The following FHIT variants were observed in gnomAD, a reference collection of about 807,000 sequenced individuals.
FHIT encodes bis(5'-adenosyl)-triphosphatase.
In FHIT, 19 loss-of-function variants were observed where a neutral mutation model predicts 17.9. The ratio of observed to expected loss-of-function variants is 1.06; its 90% CI spans 0.74 to 1.56. The LOEUF (loss-of-function observed/expected upper bound fraction) is 1.56. FHIT is among the 40% of genes most tolerant of loss of function. FHIT has a pLI of 0.00. For missense variants in FHIT, 248 were observed against 189.2 expected (o/e 1.31, Z -1.82); for synonymous variants, 81 against 69.7 (o/e 1.16, Z -0.81).
chr3:61,057,643 C>T (rs76620167), intron 2 of FHIT, among the ~76,000 whole-genome samples: 136 of 152,292 alleles, frequency 8.9e-4, no homozygotes, highest in Non-Finnish European at 1.9e-3. Flanking sequence ...TCCTTCAGAA[C>T]ACCCAGGCCA....
chr3:60,101,124 C>G (rs1704173525), intron 5 of FHIT, among the ~76,000 whole-genome samples: 1 of 152,210 alleles, frequency 6.6e-6, no homozygotes, highest in African/African-American at 2.4e-5. Context: ...CCGGCCCCCG[C>G]TCCCTATTCT....
At chr3:60,988,269 T>C (rs1392470904) in intron 3 of FHIT, among the ~76,000 whole-genome samples, 2 of 152,342 alleles carry the variant, frequency 1.3e-5, no homozygotes. Context: ...TTTAGTTATA[T>C]GCCACATGAA....
chr3:60,029,501 C>G (rs1252334797), intron 5 of FHIT, among the ~76,000 whole-genome samples: 2 of 152,184 alleles, frequency 1.3e-5, no homozygotes, highest in African/African-American at 2.4e-5. Context: ...TATATGCAGT[C>G]TCTCTCCAGA....
intron 5 of FHIT, among the ~76,000 whole-genome samples, chr3:60,329,998 A>G (rs949982969): frequency 6.6e-6 from 1 of 152,242 alleles, no homozygotes; most frequent in Non-Finnish European, 1.5e-5. Flanking sequence ...TAATTGCCCC[A>G]TATGTTCAAA....
intron 5 of FHIT, among the ~76,000 whole-genome samples, chr3:60,090,128 C>T (rs143284127): frequency 1.8e-3 from 268 of 152,242 alleles, no homozygotes; most frequent in African/African-American, 6.2e-3. Flanking sequence ...TCATCTCTCC[C>T]ATCTGCCCCC....
chr3:60,016,683 G>A (rs984546567), intron 5 of FHIT, among the ~76,000 whole-genome samples: 2 of 152,158 alleles, frequency 1.3e-5, no homozygotes, highest in African/African-American at 4.8e-5. Context: ...GCACAGGGGA[G>A]GTCAGATCTA....
At chr3:60,112,084 C>G (rs773622858) in intron 5 of FHIT, among the ~76,000 whole-genome samples, 68 of 152,168 alleles carry the variant, frequency 4.5e-4, no homozygotes, top group Non-Finnish European at 8.7e-4. Flanking sequence ...GATTATTTCT[C>G]TTTGCTCATG....
At chr3:60,943,794 C>CTTAAAGCT (rs1239662714) in intron 3 of FHIT, among the ~76,000 whole-genome samples, 88 of 152,158 alleles carry the variant, frequency 5.8e-4, no homozygotes, top group African/African-American at 2.0e-3. Flanking sequence ...ATAATATTCT[C>CTTAAAGCT]TTAAAGCTTC....
chr3:59,977,341 C>A (rs1044550342), intron 7 of FHIT, among the ~76,000 whole-genome samples: 1 of 152,114 alleles, frequency 6.6e-6, no homozygotes, highest in African/African-American at 2.4e-5. Context: ...AAGATGACTA[C>A]AATTTATGCT....
At chr3:60,597,404 C>A (rs1323313365) in intron 4 of FHIT, among the ~76,000 whole-genome samples, 2 of 152,106 alleles carry the variant, frequency 1.3e-5, no homozygotes, top group African/African-American at 4.8e-5. Flanking sequence ...TCATATAGAT[C>A]TAAGAGCTTT....
At chr3:61,238,402 C>G (rs975059266) in intron 1 of FHIT, among the ~76,000 whole-genome samples, 2 of 152,190 alleles carry the variant, frequency 1.3e-5, no homozygotes, top group African/African-American at 4.8e-5. Context: ...ATCACTCACC[C>G]TGCATAAGGA....
intron 5 of FHIT, among the ~76,000 whole-genome samples, chr3:60,373,965 G>C (rs187257460): frequency 6.6e-6 from 1 of 152,302 alleles, no homozygotes; most frequent in East Asian, 1.9e-4. Context: ...ACAGAAGGCG[G>C]AATCTCTAGT....
intron 5 of FHIT, among the ~76,000 whole-genome samples, chr3:60,141,874 A>G (rs896680572): frequency 6.6e-6 from 1 of 152,190 alleles, no homozygotes; most frequent in Admixed American, 6.5e-5. Flanking sequence ...TGATTCATAA[A>G]CCATATTCAT....
chr3:59,758,570 C>T (rs945327350), intron 8 of FHIT, among the ~76,000 whole-genome samples: 12 of 152,208 alleles, frequency 7.9e-5, no homozygotes, highest in African/African-American at 2.4e-4. Flanking sequence ...AAAGTCTCAG[C>T]GGACTAGTAC....
intron 4 of FHIT, among the ~76,000 whole-genome samples, chr3:60,564,589 G>A (rs1370597638): frequency 7.2e-5 from 11 of 152,152 alleles, no homozygotes; most frequent in Admixed American, 6.6e-4. Context: ...TAGTTTAGAA[G>A]AAGTTGATTC....
At chr3:60,921,811 C>T (rs926819601) in intron 3 of FHIT, among the ~76,000 whole-genome samples, 1 of 152,206 alleles carries the variant, frequency 6.6e-6, no homozygotes, top group Non-Finnish European at 1.5e-5. Context: ...CCATCTGGGG[C>T]AGCTTAGGGA....
At chr3:60,450,091 A>G (rs1244273353) in intron 5 of FHIT, among the ~76,000 whole-genome samples, 2 of 151,414 alleles carry the variant, frequency 1.3e-5, no homozygotes, top group African/African-American at 4.9e-5. Flanking sequence ...AGCTTACGGG[A>G]CTAGAAATTG....
chr3:60,574,939 C>A (rs77121744), intron 4 of FHIT, among the ~76,000 whole-genome samples: 20,866 of 151,438 alleles, frequency 0.14, 2,015 homozygotes, highest in East Asian at 0.34. Flanking sequence ...ATGCTTGTCT[C>A]TCCAGTTGAC....
At chr3:60,305,031 TA>T (rs1390567481) in intron 5 of FHIT, among the ~76,000 whole-genome samples, 1 of 152,164 alleles carries the variant, frequency 6.6e-6, no homozygotes, top group Non-Finnish European at 1.5e-5. Context: ...ATTTTATATC[TA>T]AATTGGTGAA....
Sources: gnomAD v4.1 joint callset for allele counts (sites outside exome capture counted in the v4.1 genomes callset) on GRCh38, gnomAD v4.1.1 for gene constraint, MANE v1.5 for transcripts, NCBI Gene and HGNC (gene_info 2026-07-23, HGNC 2026-07-21) for gene names.